The following FBXL17 variants were observed in gnomAD, a reference collection of about 807,000 sequenced individuals.
FBXL17 encodes F-box/LRR-repeat protein 17.
FBXL17 carries 22 observed loss-of-function variants against 66.2 expected under a neutral mutation model. The ratio of observed to expected loss-of-function variants is 0.33; its 90% CI spans 0.24 to 0.47. The LOEUF (loss-of-function observed/expected upper bound fraction) is 0.47. FBXL17 is among the 20% of genes least tolerant of loss of function. The pLI is 1.00. For missense variants in FBXL17, 878 were observed against 948.2 expected (o/e 0.93, Z 0.97); for synonymous variants, 474 against 400.5 (o/e 1.18, Z -2.19).
chr5:108,149,362 T>C (rs1751680910), intron 6 of FBXL17, among the ~76,000 whole-genome samples: 1 of 152,218 alleles, frequency 6.6e-6, no homozygotes, highest in African/African-American at 2.4e-5. Context: ...TTATCTGTCA[T>C]TTGAAGAATA....
chr5:108,205,720 G>C (rs968887028), intron 5 of FBXL17, among the ~76,000 whole-genome samples: 1 of 151,990 alleles, frequency 6.6e-6, no homozygotes. Flanking sequence ...ATTAGATTCA[G>C]GCTTTTTGTT....
intron 6 of FBXL17, among the ~76,000 whole-genome samples, chr5:108,139,627 T>C (rs1751276708): frequency 1.3e-5 from 2 of 152,162 alleles, no homozygotes; most frequent in African/African-American, 4.8e-5. Flanking sequence ...CCCTACCCAA[T>C]TGCTTCTCTG....
chr5:108,148,004 A>C (rs907033876), intron 6 of FBXL17, among the ~76,000 whole-genome samples: 1 of 152,140 alleles, frequency 6.6e-6, no homozygotes, highest in African/African-American at 2.4e-5. Context: ...AAAAACTGAA[A>C]AAAGCCTCTC....
chr5:108,116,749 C>CA (rs60289405), intron 6 of FBXL17, among the ~76,000 whole-genome samples: 77,587 of 133,740 alleles, frequency 0.58, 20,628 homozygotes, highest in East Asian at 0.8. Context: ...ATTATGTGCA[C>CA]ATAATTTCTT....
chr5:108,094,484 A>G (rs1343094823), intron 6 of FBXL17, among the ~76,000 whole-genome samples: 1 of 152,140 alleles, frequency 6.6e-6, no homozygotes, highest in East Asian at 1.9e-4. Flanking sequence ...ACTTTTCCAT[A>G]TTCACATCCA....
At chr5:108,086,571 T>C (rs1748978191) in intron 6 of FBXL17, among the ~76,000 whole-genome samples, 2 of 152,138 alleles carry the variant, frequency 1.3e-5, no homozygotes, top group Non-Finnish European at 2.9e-5. Context: ...TTTGTTTTTG[T>C]TTTTTGAGAT....
At chr5:108,255,131 C>A (rs1419055986) in intron 4 of FBXL17, among the ~76,000 whole-genome samples, 1 of 152,100 alleles carries the variant, frequency 6.6e-6, no homozygotes, top group African/African-American at 2.4e-5. Flanking sequence ...TACATACACA[C>A]ATAATTTGTC....
intron 6 of FBXL17, among the ~76,000 whole-genome samples, chr5:108,034,692 G>A (rs886487643): frequency 6.6e-6 from 1 of 151,992 alleles, no homozygotes; most frequent in African/African-American, 2.4e-5. Context: ...AAGCTGCTTT[G>A]TATTATTAGA....
intron 2 of FBXL17, among the ~76,000 whole-genome samples, chr5:108,367,072 A>C (rs1328016986): frequency 6.6e-6 from 1 of 152,092 alleles, no homozygotes; most frequent in Non-Finnish European, 1.5e-5. Context: ...ACAGTTGCTA[A>C]ACATTTATCA....
intron 7 of FBXL17, among the ~76,000 whole-genome samples, chr5:107,895,679 C>G (rs1179625334): frequency 6.6e-6 from 1 of 152,064 alleles, no homozygotes; most frequent in Non-Finnish European, 1.5e-5. Flanking sequence ...GTAAATGATT[C>G]TATGTTTGTT....
intron 6 of FBXL17, among the ~76,000 whole-genome samples, chr5:108,044,860 G>T (rs2112810320): frequency 6.6e-6 from 1 of 152,202 alleles, no homozygotes; most frequent in South Asian, 2.1e-4. Flanking sequence ...TATTGGATAA[G>T]TTGTGGTAGC....
chr5:108,015,730 C>G (rs974607225), intron 7 of FBXL17, among the ~76,000 whole-genome samples: 1 of 152,076 alleles, frequency 6.6e-6, no homozygotes, highest in Non-Finnish European at 1.5e-5. Flanking sequence ...TGATGTATCC[C>G]AGATCCTAAT....
intron 3 of FBXL17, among the ~76,000 whole-genome samples, chr5:108,361,406 C>T (rs2112551794): frequency 6.6e-6 from 1 of 152,078 alleles, no homozygotes; most frequent in East Asian, 1.9e-4. Flanking sequence ...TTCTTTAAGA[C>T]TTAGCCATAC....
intron 5 of FBXL17, among the ~76,000 whole-genome samples, chr5:108,214,985 T>C (rs1754538778): frequency 6.6e-6 from 1 of 152,212 alleles, no homozygotes; most frequent in Non-Finnish European, 1.5e-5. Flanking sequence ...AGCTATCCTC[T>C]TTATCATAAT....
intron 6 of FBXL17, among the ~76,000 whole-genome samples, chr5:108,070,986 A>G (rs1276693427): frequency 1.3e-5 from 2 of 152,230 alleles, no homozygotes; most frequent in African/African-American, 2.4e-5. Context: ...ACATTGCCAT[A>G]ACACTTTCAT....
chr5:108,042,407 C>A (rs924153859), intron 6 of FBXL17, among the ~76,000 whole-genome samples: 1 of 152,164 alleles, frequency 6.6e-6, no homozygotes, highest in African/African-American at 2.4e-5. Flanking sequence ...ATATCCCACC[C>A]ATTTTCCTCC....
chr5:107,901,222 T>C (rs921603192), intron 7 of FBXL17, among the ~76,000 whole-genome samples: 2 of 152,198 alleles, frequency 1.3e-5, no homozygotes, highest in African/African-American at 4.8e-5. Flanking sequence ...AATAAACACA[T>C]AGCACAATCT....
chr5:108,364,590 A>G (rs754270388), intron 3 of FBXL17, 148 bp downstream of exon 3: 92 of 633,540 alleles, frequency 1.5e-4, no homozygotes, highest in Non-Finnish European at 2.4e-4. Context: ...CTAGTTAACT[A>G]ATCTAAACAA....
intron 3 of FBXL17, among the ~76,000 whole-genome samples, chr5:108,360,303 T>C (rs943866477): frequency 1.3e-5 from 2 of 152,182 alleles, no homozygotes; most frequent in Non-Finnish European, 2.9e-5. Flanking sequence ...CTTTTGCTTA[T>C]CTGGAAATAT....
Sources: gnomAD v4.1 joint callset for allele counts (sites outside exome capture counted in the v4.1 genomes callset) on GRCh38, gnomAD v4.1.1 for gene constraint, MANE v1.5 for transcripts, NCBI Gene and HGNC (gene_info 2026-07-23, HGNC 2026-07-21) for gene names.